Variants in RORB observed in about 807,000 individuals in gnomAD.
The protein encoded by RORB is RAR related orphan receptor B.
A neutral mutation model predicts 59.1 loss-of-function variants in RORB; 6 were observed. The ratio of observed to expected loss-of-function variants is 0.10; its 90% CI spans 0.06 to 0.20. RORB has a LOEUF of 0.20. Among genes scored for constraint, RORB ranks in the 10% least tolerant of loss-of-function variants. The pLI, the probability that RORB is intolerant of heterozygous loss-of-function variation, is 1.00. For synonymous variants in RORB, 215 were observed against 204.5 expected (o/e 1.05, Z -0.44); for missense variants, 320 against 560.5 (o/e 0.57, Z 4.33).
intron 1 of RORB, among the ~76,000 whole-genome samples, chr9:74,539,596 A>G (rs1826373188): frequency 1.3e-5 from 2 of 152,146 alleles, no homozygotes. Context: ...TCTTGCCCTC[A>G]TAGAGCGTTT....
chr9:74,682,726 G>A (rs1824567138), intron 9 of RORB, among the ~76,000 whole-genome samples: 1 of 152,136 alleles, frequency 6.6e-6, no homozygotes, highest in Admixed American at 6.5e-5. Flanking sequence ...TTAGTTCAGA[G>A]GACTGTTTCA....
At chr9:74,586,507 G>GA (rs1822801392) in intron 1 of RORB, among the ~76,000 whole-genome samples, 1 of 150,672 alleles carries the variant, frequency 6.6e-6, no homozygotes, top group South Asian at 2.1e-4. Flanking sequence ...GAAAAGAAAA[G>GA]AAAAAAGAGA....
In RORB at chr9:74,692,946, A is replaced by G. The variant is rs1052316055; in HGVS notation, c.*7328A>G. ...AAGTATTGAGTTTTTTTAATCATAA[A>G]TATACTAGAATAAAACAGCACTCCC... On this transcript the variant is annotated 3_prime_UTR_variant, in exon 10 of 10. Coordinates refer to ENST00000376896, the MANE Select transcript of RORB (RefSeq NM_006914.4). 2 of 152,212 alleles carry G rather than the reference A, an allele frequency of 1.3e-5. No individual in the cohort carries two copies. Among genetic ancestry groups the G allele is most frequent in the African/African-American group, 4.8e-5 (2 of 41,460 alleles). The allele number at this position is 152,212 out of a possible 1,614,324, so 9.4% of individuals were successfully genotyped here.
At chr9:74,603,018 C>G (rs969992534) in intron 1 of RORB, among the ~76,000 whole-genome samples, 2 of 151,950 alleles carry the variant, frequency 1.3e-5, no homozygotes, top group Non-Finnish European at 2.9e-5. Context: ...AATTTATTGC[C>G]GAATTAATCA....
intron 4 of RORB, among the ~76,000 whole-genome samples, chr9:74,646,296 T>G (rs1824690251): frequency 6.6e-6 from 1 of 152,136 alleles, no homozygotes; most frequent in South Asian, 2.1e-4. Flanking sequence ...GACCAGTCCA[T>G]ATAGACTAAG....
At chr9:74,622,683 C>T (rs1313544825) in intron 1 of RORB, among the ~76,000 whole-genome samples, 1 of 151,838 alleles carries the variant, frequency 6.6e-6, no homozygotes, top group East Asian at 1.9e-4. Context: ...CGCACCACCA[C>T]ACCCAGCTAA....
chr9:74,691,525 G>A lies in RORB; in HGVS notation c.*5907G>A, dbSNP rs1824740765. On this transcript the variant is annotated 3_prime_UTR_variant, in exon 10 of 10. Transcript: ENST00000376896. ...GAGTATGTATTGTAGAAATGTAGAGGAAAAATAAAAATATTTTTTCAAATG... is the reference window on the plus strand; with the variant it reads ...GAGTATGTATTGTAGAAATGTAGAGAAAAAATAAAAATATTTTTTCAAATG... 6.6e-6 allele frequency: 1 copy of A among 152,060 alleles called. No individual in the cohort carries two copies. Among genetic ancestry groups the A allele is most frequent in the Non-Finnish European group, 1.5e-5 (1 of 68,006 alleles). The allele number at this position is 152,060 out of a possible 1,614,324, so 9.4% of individuals were successfully genotyped here. A position where few individuals can be genotyped will look rare whatever the true frequency, so the allele number is the denominator to read the frequency against.
chr9:74,584,953 T>A (rs1027267355), intron 1 of RORB, among the ~76,000 whole-genome samples: 1 of 152,108 alleles, frequency 6.6e-6, no homozygotes, highest in Non-Finnish European at 1.5e-5. Context: ...ACAAATGCTA[T>A]GGAATGTGTT....
At chr9:74,635,345 G>A (rs567622420) in intron 3 of RORB, among the ~76,000 whole-genome samples, 1 of 152,286 alleles carries the variant, frequency 6.6e-6, no homozygotes, top group East Asian at 1.9e-4. Context: ...TGTAGGTGAT[G>A]TCTTCCTCAG....
chr9:74,519,433 T>C (rs958443511), intron 1 of RORB, among the ~76,000 whole-genome samples: 1 of 152,004 alleles, frequency 6.6e-6, no homozygotes, highest in Admixed American at 6.6e-5. Flanking sequence ...AAGAGATCCT[T>C]GCTTAGTGGT....
chr9:74,509,619 C>A (rs963220412), intron 1 of RORB, among the ~76,000 whole-genome samples: 5 of 152,066 alleles, frequency 3.3e-5, no homozygotes, highest in Admixed American at 1.3e-4. Flanking sequence ...TCTCTATCTT[C>A]AGCTATAAGC....
chr9:74,692,721 A>G lies in RORB; in HGVS notation c.*7103A>G, dbSNP rs912783111. The G allele has an allele frequency of 6.6e-6, 1 of 152,230 alleles. No individual in the cohort carries two copies. The highest frequency in any genetic ancestry group is 2.4e-5 in the African/African-American group (1 of 41,462). 9.4% of individuals were successfully genotyped at this position (152,230 alleles called of 1,614,324 possible). On this transcript the variant is annotated 3_prime_UTR_variant, in exon 10 of 10. Coordinates refer to ENST00000376896, the MANE Select transcript of RORB (RefSeq NM_006914.4). ...AAGAATAATGTCTCTTATAGTCACC[A>G]TTGATTTTTCTGGAGTTTAATTACA... is the stretch of plus-strand genomic sequence containing the variant.
At chr9:74,631,683 A>G (rs1259514895) in intron 2 of RORB, among the ~76,000 whole-genome samples, 2 of 152,176 alleles carry the variant, frequency 1.3e-5, no homozygotes, top group African/African-American at 4.8e-5. Flanking sequence ...TTAACGTACT[A>G]ACCTGTCAAC....
intron 1 of RORB, among the ~76,000 whole-genome samples, chr9:74,567,939 G>A (rs1822493200): frequency 6.6e-6 from 1 of 152,150 alleles, no homozygotes; most frequent in East Asian, 1.9e-4. Flanking sequence ...CAAGCCTAGT[G>A]TCATTTTATT....
intron 9 of RORB, among the ~76,000 whole-genome samples, chr9:74,676,990 G>A (rs1824454712): frequency 6.6e-6 from 1 of 152,158 alleles, no homozygotes; most frequent in African/African-American, 2.4e-5. Context: ...AGATCGTTTG[G>A]TTGATTCACT....
At position 74,630,358 on chromosome 9, in the gene RORB, A is replaced by G. The variant is rs762358287; in HGVS notation, c.84A>G (p.Glu28=). 6.2e-6 allele frequency: 10 copies of G among 1,612,198 alleles called. No homozygotes were observed. The highest frequency in any genetic ancestry group is 8.5e-6 in the Non-Finnish European group (10 of 1,178,800). Residue 28 remains glutamate (E), a synonymous_variant, in exon 2 of 10, where the codon GAA becomes GAG. Transcript: ENST00000376896. ...SGIHYGVITC[E]GCKGFFRRSQ... ...TCCACTACGGAGTCATCACATGTGAAGGCTGCAAGGTATGGGACTTTCATA... is the reference window on the plus strand; with the variant it reads ...TCCACTACGGAGTCATCACATGTGAGGGCTGCAAGGTATGGGACTTTCATA...
At chr9:74,641,746 A>T (rs1823810585) in intron 3 of RORB, among the ~76,000 whole-genome samples, 1 of 144,340 alleles carries the variant, frequency 6.9e-6, no homozygotes, top group African/African-American at 2.6e-5. Flanking sequence ...ACAAAAATTA[A>T]AAAAAAAAAA....
At position 74,690,690 on chromosome 9, in the gene RORB, T is replaced by C. The variant is rs893822780; in HGVS notation, c.*5072T>C. 6.6e-6 allele frequency: 1 copy of C among 152,156 alleles called. No homozygotes were observed. Among genetic ancestry groups the C allele is most frequent in the East Asian group, 1.9e-4 (1 of 5,180 alleles). 9.4% of individuals were successfully genotyped at this position (152,156 alleles called of 1,614,324 possible). A position where few individuals can be genotyped will look rare whatever the true frequency, so the allele number is the denominator to read the frequency against. ...TAGTTTTGGAAGGAGGGGATGGAGA[T>C]CTTCCCCTTCTAATACTCAATTTTG... is the stretch of plus-strand genomic sequence containing the variant. On this transcript the variant is annotated 3_prime_UTR_variant, in exon 10 of 10. Transcript: ENST00000376896.
intron 1 of RORB, among the ~76,000 whole-genome samples, chr9:74,608,761 T>C (rs2118349247): frequency 6.6e-6 from 1 of 152,300 alleles, no homozygotes; most frequent in South Asian, 2.1e-4. Flanking sequence ...ATTTTACTAC[T>C]AATTAAAGCA....
Sources: allele counts gnomAD v4.1 joint callset (sites outside exome capture counted in the v4.1 genomes callset), GRCh38; gene constraint gnomAD v4.1.1; transcripts MANE v1.5; gene names NCBI Gene and HGNC (gene_info 2026-07-23, HGNC 2026-07-21).